The following CNTNAP4 variants were observed in gnomAD, a reference collection of about 807,000 sequenced individuals.
CNTNAP4 encodes the protein contactin associated protein family member 4.
CNTNAP4 carries 98 observed loss-of-function variants against 148.4 expected under a neutral mutation model. That is an observed-to-expected ratio of 0.66 (90% CI 0.56 to 0.78). The LOEUF (loss-of-function observed/expected upper bound fraction) is 0.78. CNTNAP4 is among the 30% of genes least tolerant of loss of function. The pLI is 0.00. For synonymous variants in CNTNAP4, 730 were observed against 565.1 expected, an observed-to-expected ratio of 1.29 and a Z score of -4.14; for missense variants, 1,935 against 1,565.6, an observed-to-expected ratio of 1.24 and a Z score of -3.98.
intron 21 of CNTNAP4, among the ~76,000 whole-genome samples, chr16:76,552,195 A>G (rs1276467313): frequency 6.6e-6 from 1 of 152,154 alleles, no homozygotes; most frequent in East Asian, 1.9e-4. Context: ...ATCTCATGAG[A>G]ACTCACTCAC....
intron 2 of CNTNAP4, among the ~76,000 whole-genome samples, chr16:76,337,432 G>A (rs1004093556): frequency 2.0e-5 from 3 of 152,144 alleles, no homozygotes; most frequent in Non-Finnish European, 4.4e-5. Context: ...TACCTGAGCT[G>A]CAAAACCAGC....
intron 1 of CNTNAP4, among the ~76,000 whole-genome samples, chr16:76,315,337 G>A (rs1597163004): frequency 6.6e-6 from 1 of 152,124 alleles, no homozygotes; most frequent in African/African-American, 2.4e-5. Context: ...TGAGGCTGGG[G>A]GTTCATCATA....
intron 17 of CNTNAP4, among the ~76,000 whole-genome samples, chr16:76,528,886 A>G (rs2144181258): frequency 6.6e-6 from 1 of 152,346 alleles, no homozygotes; most frequent in Admixed American, 6.5e-5. Flanking sequence ...TCACCCGAGC[A>G]ATACAGATCA....
chr16:76,338,527 GTGAAA>G (rs897629757), intron 2 of CNTNAP4, among the ~76,000 whole-genome samples: 4 of 152,160 alleles, frequency 2.6e-5, no homozygotes, highest in Non-Finnish European at 4.4e-5. Flanking sequence ...TGGAACCCAA[GTGAAA>G]TGTTTCTGCT....
intron 3 of CNTNAP4, among the ~76,000 whole-genome samples, chr16:76,413,421 T>C (rs1184354494): frequency 6.6e-6 from 1 of 151,504 alleles, no homozygotes; most frequent in East Asian, 1.9e-4. Context: ...CTGCTCTGCA[T>C]GGCAAACATT....
intron 3 of CNTNAP4, among the ~76,000 whole-genome samples, chr16:76,368,607 G>T (rs948753297): frequency 6.6e-6 from 1 of 152,108 alleles, no homozygotes; most frequent in African/African-American, 2.4e-5. Context: ...TCACTCATAA[G>T]TGGGAGTTGA....
At chr16:76,427,120 TA>T (rs1447371001) in intron 3 of CNTNAP4, among the ~76,000 whole-genome samples, 8 of 152,352 alleles carry the variant, frequency 5.3e-5, no homozygotes, top group African/African-American at 1.9e-4. Context: ...TTTTTGGTGC[TA>T]TTCACAATGT....
At chr16:76,522,646 T>TTCCTTCCTTC (rs2083511010) in intron 17 of CNTNAP4, among the ~76,000 whole-genome samples, 4 of 93,566 alleles carry the variant, frequency 4.3e-5, no homozygotes, top group Non-Finnish European at 4.6e-5. Context: ...TCTTTCTTTC[T>TTCCTTCCTTC]TTTCTCTCTT....
chr16:76,422,150 T>C (rs8056614), intron 3 of CNTNAP4, among the ~76,000 whole-genome samples: 113,544 of 152,026 alleles, frequency 0.75, 43,601 homozygotes, highest in Non-Finnish European at 0.84. Flanking sequence ...CATTCCTAAA[T>C]TGTCTATGAA....
intron 3 of CNTNAP4, among the ~76,000 whole-genome samples, chr16:76,415,006 G>A (rs939540233): frequency 1.3e-5 from 2 of 150,346 alleles, no homozygotes; most frequent in African/African-American, 4.9e-5. Context: ...TTTTAATCAT[G>A]AGGAATAATA....
In CNTNAP4 at chr16:76,301,928, A is replaced by G. The variant is rs570057899; in HGVS notation, c.86-14485A>G. On this transcript the variant is annotated intron_variant, in intron 1 of 23. Coordinates refer to ENST00000611870, the MANE Select transcript of CNTNAP4 (RefSeq NM_033401.5). Reference sequence around the variant, plus strand: ...CATATGTACAGAAAACAGTGGCATTAGCATGATCTGAGGGTGGAGTTTTGG... The same window carrying G: ...CATATGTACAGAAAACAGTGGCATTGGCATGATCTGAGGGTGGAGTTTTGG... Among the ~76,000 whole-genome samples, 16 of 152,278 alleles carry G rather than the reference A, an allele frequency of 1.1e-4. No individual in the cohort carries two copies. The East Asian group carries it at 3.1e-3, about 29-fold the overall frequency.
intron 3 of CNTNAP4, among the ~76,000 whole-genome samples, chr16:76,397,938 TTATATACATATATATATATATATATATA>T (rs1326084075): frequency 0.011 from 666 of 62,288 alleles, 52 homozygotes; most frequent in Middle Eastern, 0.023. Flanking sequence ...AACTAATAGA[TTATATACATATATATATATATATATATA>T]TATATATATA....
intron 9 of CNTNAP4, among the ~76,000 whole-genome samples, chr16:76,465,009 A>T (rs2081125863): frequency 6.6e-6 from 1 of 152,162 alleles, no homozygotes; most frequent in African/African-American, 2.4e-5. Context: ...CAATCTGGGG[A>T]TACTGTGTGC....
chr16:76,338,155 A>T (rs1964174545), intron 2 of CNTNAP4, among the ~76,000 whole-genome samples: 1 of 152,218 alleles, frequency 6.6e-6, no homozygotes, highest in Non-Finnish European at 1.5e-5. Context: ...AATGTCCATG[A>T]AATCTTCACA....
chr16:76,492,653 T>C (rs1447945660), intron 13 of CNTNAP4, among the ~76,000 whole-genome samples: 1 of 152,198 alleles, frequency 6.6e-6, no homozygotes, highest in African/African-American at 2.4e-5. Context: ...TCCTCCATAC[T>C]GTTCTCATGG....
intron 2 of CNTNAP4, among the ~76,000 whole-genome samples, chr16:76,333,501 A>C (rs1318604288): frequency 6.6e-6 from 1 of 151,942 alleles, no homozygotes; most frequent in Non-Finnish European, 1.5e-5. Context: ...CCTATTTTTC[A>C]TTAATTGTTT....
At chr16:76,389,806 C>G (rs148650544) in intron 3 of CNTNAP4, among the ~76,000 whole-genome samples, 4 of 152,056 alleles carry the variant, frequency 2.6e-5, no homozygotes, top group Admixed American at 6.6e-5. Flanking sequence ...GAATAGTGGC[C>G]TATTCTGTCC....
chr16:76,418,787 G>A lies in CNTNAP4; in HGVS notation c.391-8665G>A, dbSNP rs1431322461. Among the ~76,000 whole-genome samples, 4 of 151,372 alleles carry A rather than the reference G, an allele frequency of 2.6e-5. No homozygotes were observed. In the East Asian group the frequency reaches 5.8e-4, roughly 22 times the overall value. On this transcript the variant is annotated intron_variant, in intron 3 of 23. Transcript: ENST00000611870. ...TAATATTTTGTTGAAACCAAAATGC[G>A]CTATATCTGATGACAATAGAAACTA...
chr16:76,398,441 G>C (rs947032247), intron 3 of CNTNAP4, among the ~76,000 whole-genome samples: 2 of 152,018 alleles, frequency 1.3e-5, no homozygotes, highest in Non-Finnish European at 2.9e-5. Context: ...TGCACCTACC[G>C]TGTCTTCCCT....
Sources: gnomAD v4.1 joint callset for allele counts (sites outside exome capture counted in the v4.1 genomes callset) on GRCh38, gnomAD v4.1.1 for gene constraint, MANE v1.5 for transcripts, NCBI Gene and HGNC (gene_info 2026-07-23, HGNC 2026-07-21) for gene names.